The following ANO3 variants were observed in gnomAD, a reference collection of about 807,000 sequenced individuals.
The protein encoded by ANO3 is anoctamin 3, also known as anoctamin-3.
Under a neutral mutation model 144.8 loss-of-function variants are expected in ANO3, and 99 were observed. That is an observed-to-expected ratio of 0.68 (90% CI 0.58 to 0.81). The LOEUF is 0.81. Ranked by LOEUF, ANO3 falls within the 30% of genes least tolerant of loss-of-function variation. The pLI is 0.00. For missense variants in ANO3, 905 were observed against 1,202.2 expected (o/e 0.75, Z 3.66); for synonymous variants, 414 against 392.6 (o/e 1.05, Z -0.64).
intron 14 of ANO3, among the ~76,000 whole-genome samples, chr11:26,571,752 G>A (rs751740771): frequency 1.3e-5 from 2 of 152,040 alleles, no homozygotes; most frequent in African/African-American, 4.8e-5. Flanking sequence ...TCATAGTCAC[G>A]TATGTTTTAA....
rs138773359 is a variant in ANO3 at position 26,558,161 on chromosome 11, C to A, written c.1387-1558C>A. ...CTAGTAAGAAAAAAAATGAGAAGCACTTTAAAGGAAAATACTACACAAACT... is the reference window on the plus strand; with the variant it reads ...CTAGTAAGAAAAAAAATGAGAAGCAATTTAAAGGAAAATACTACACAAACT... On this transcript the variant is annotated intron_variant, in intron 13 of 26. Coordinates refer to ENST00000256737, the MANE Select transcript of ANO3 (RefSeq NM_031418.4). 4.1e-4 allele frequency among the ~76,000 whole-genome samples: 63 copies of A among 152,212 alleles called. 1 individual carries two copies. The East Asian group carries it at 0.011, about 27-fold the overall frequency.
intron 20 of ANO3, 142 bp downstream of exon 20, chr11:26,635,212 T>G: frequency 1.6e-6 from 1 of 633,898 alleles, no homozygotes; most frequent in Non-Finnish European, 2.6e-6. Flanking sequence ...AGGAAGCAAC[T>G]ACATCTTTTC....
chr11:26,405,240 C>G (rs1395155037), intron 1 of ANO3, among the ~76,000 whole-genome samples: 1 of 151,494 alleles, frequency 6.6e-6, no homozygotes, highest in Non-Finnish European at 1.5e-5. Context: ...CATGAAGTTC[C>G]TGATGCTTGA....
chr11:26,327,945 A>C (rs2133884329), upstream of ANO3, among the ~76,000 whole-genome samples: 1 of 152,200 alleles, frequency 6.6e-6, no homozygotes, highest in Non-Finnish European at 1.5e-5. Flanking sequence ...ACCCATCATC[A>C]CCTCCTTTGT....
intron 1 of ANO3, among the ~76,000 whole-genome samples, chr11:26,378,321 A>C (rs1047038909): frequency 6.7e-6 from 1 of 148,830 alleles, no homozygotes; most frequent in African/African-American, 2.4e-5. Context: ...ATAGATAGAT[A>C]GATCTATATT....
chr11:26,347,154 T>G (rs1855517059), intron 1 of ANO3, among the ~76,000 whole-genome samples: 1 of 152,212 alleles, frequency 6.6e-6, no homozygotes, highest in South Asian at 2.1e-4. Flanking sequence ...TTTGACTGCT[T>G]CAAACATTAT....
chr11:26,205,092 C>T (rs1851771422), intron 1 of ANO3, among the ~76,000 whole-genome samples: 1 of 152,112 alleles, frequency 6.6e-6, no homozygotes, highest in Non-Finnish European at 1.5e-5. Context: ...ACAATCATAT[C>T]TCATGAGAAC....
intron 1 of ANO3, among the ~76,000 whole-genome samples, chr11:26,287,176 A>C (rs773543017): frequency 6.6e-6 from 1 of 152,178 alleles, no homozygotes; most frequent in Non-Finnish European, 1.5e-5. Flanking sequence ...GACTATCTGC[A>C]CCACCAGAGC....
intron 1 of ANO3, among the ~76,000 whole-genome samples, chr11:26,197,093 G>T (rs1213982129): frequency 1.3e-5 from 2 of 152,072 alleles, no homozygotes; most frequent in African/African-American, 4.8e-5. Flanking sequence ...ATTATTCCAG[G>T]AATCACTGGC....
At chr11:26,399,409 A>G (rs1857093854) in intron 1 of ANO3, among the ~76,000 whole-genome samples, 2 of 151,862 alleles carry the variant, frequency 1.3e-5, no homozygotes, top group Admixed American at 6.6e-5. Flanking sequence ...CACAAAGTCC[A>G]TTAAATATGA....
At chr11:26,503,844 T>C (rs2134128778) in intron 4 of ANO3, among the ~76,000 whole-genome samples, 1 of 152,258 alleles carries the variant, frequency 6.6e-6, no homozygotes, top group East Asian at 1.9e-4. Context: ...TTTCAGTCCA[T>C]ATTGCTTTTA....
intron 1 of ANO3, among the ~76,000 whole-genome samples, chr11:26,257,713 G>T (rs981188965): frequency 6.6e-6 from 1 of 151,818 alleles, no homozygotes; most frequent in Non-Finnish European, 1.5e-5. Context: ...TAAAACAATG[G>T]TCCTGTCAGT....
rs34205606 is a variant in ANO3, at chr11:26,629,397, CCTAT to C, written c.1874-4787_1874-4784del. Among the ~76,000 whole-genome samples the C allele has an allele frequency of 2.3e-4, 35 of 151,062 alleles. No homozygotes were observed. In the South Asian group the frequency reaches 3.2e-3, roughly 14 times the overall value. On this transcript the variant is annotated intron_variant, in intron 18 of 26. Coordinates refer to ENST00000256737, the MANE Select transcript of ANO3 (RefSeq NM_031418.4). ...TCATTACTGCATCTATTACATTATT[CCTAT>C]CTATCTATCTATCTATCTACTTTCT...
In ANO3 at chr11:26,332,144, C is replaced by T. The variant is rs926298215; in HGVS notation, c.-132C>T. The T allele has an allele frequency of 4.5e-6, 7 of 1,547,980 alleles. No homozygotes were observed. In the Admixed American group the frequency reaches 7.6e-5, roughly 17 times the overall value. On this transcript the variant is annotated 5_prime_UTR_variant, in exon 1 of 27. Transcript: ENST00000256737. ...GCGCGTAGCCTGGAGAGCGAAGTGC[C>T]GGCTACAGCAGGTGTCGGATTGCAG...
intron 4 of ANO3, among the ~76,000 whole-genome samples, chr11:26,501,664 A>C (rs1316694490): frequency 6.6e-6 from 1 of 152,206 alleles, no homozygotes; most frequent in Non-Finnish European, 1.5e-5. Context: ...GCCTTTACCC[A>C]ACAAGCTCCA....
intron 1 of ANO3, among the ~76,000 whole-genome samples, chr11:26,341,773 GGC>G (rs1855367169): frequency 6.6e-6 from 1 of 152,154 alleles, no homozygotes; most frequent in Admixed American, 6.5e-5. Context: ...TTCAGCTAAA[GGC>G]CCGGGAATCC....
At chr11:26,338,667 C>A (rs1251727795) in intron 1 of ANO3, among the ~76,000 whole-genome samples, 1 of 152,172 alleles carries the variant, frequency 6.6e-6, no homozygotes, top group Non-Finnish European at 1.5e-5. Flanking sequence ...TCTCCAGCTT[C>A]ATTCCTGAAG....
intron 4 of ANO3, among the ~76,000 whole-genome samples, chr11:26,502,230 G>A (rs557499871): frequency 2.0e-5 from 3 of 152,246 alleles, no homozygotes; most frequent in African/African-American, 7.2e-5. Context: ...AGTTTTACCT[G>A]ATTTTTTTTA....
At chr11:26,384,774 C>T (rs1856680504) in intron 1 of ANO3, among the ~76,000 whole-genome samples, 1 of 152,172 alleles carries the variant, frequency 6.6e-6, no homozygotes, top group African/African-American at 2.4e-5. Context: ...TCCCTAGACA[C>T]TATCTTTTCT....
Sources: gnomAD v4.1 joint callset for allele counts (sites outside exome capture counted in the v4.1 genomes callset) on GRCh38, gnomAD v4.1.1 for gene constraint, MANE v1.5 for transcripts, NCBI Gene and HGNC (gene_info 2026-07-23, HGNC 2026-07-21) for gene names.